The following ITCH variants were observed in gnomAD, a reference collection of about 807,000 sequenced individuals.
ITCH encodes the protein itchy E3 ubiquitin protein ligase.
Under a neutral mutation model 126.8 loss-of-function variants are expected in ITCH, and 28 were observed. The observed-to-expected ratio is 0.22, with a 90% confidence interval of 0.16 to 0.30. The LOEUF is 0.30. Among genes scored for constraint, ITCH ranks in the 10% least tolerant of loss-of-function variants. The probability of loss-of-function intolerance (pLI) is 1.00; values close to 1 mark genes in which losing one functional copy is unlikely to be tolerated. For synonymous variants in ITCH, 342 were observed against 340.0 expected (o/e 1.01, Z -0.06); for missense variants, 631 against 1,032.4 (o/e 0.61, Z 5.33).
intron 23 of ITCH, among the ~76,000 whole-genome samples, chr20:34,501,331 A>T (rs1256562751): frequency 6.6e-6 from 1 of 152,228 alleles, no homozygotes; most frequent in Admixed American, 6.5e-5. Flanking sequence ...AAGGGATTAA[A>T]TTTTTTAGGT....
intron 7 of ITCH, among the ~76,000 whole-genome samples, 186 bp from the exon 8 acceptor site, chr20:34,438,288 T>G (rs567172162): frequency 9.8e-5 from 15 of 152,342 alleles, no homozygotes; most frequent in African/African-American, 1.7e-4. Context: ...AGATGAACTC[T>G]GGGGGTTATA....
In ITCH at chr20:34,480,680, A is replaced by G; in HGVS notation, c.1900A>G (p.Lys634Glu). 6.2e-7 allele frequency: 1 copy of G among 1,612,066 alleles called. No individual in the cohort carries two copies. Among genetic ancestry groups the G allele is most frequent in the Non-Finnish European group, 8.5e-7 (1 of 1,178,198 alleles). ...TATCTTGAACAAACCAGTTGGACTC[A>G]AGGATTTAGAATCTATTGATCCAGA... ...KRILNKPVGLKDLESIDPEFY... is the reference protein window; with the variant it reads ...KRILNKPVGLEDLESIDPEFY... The change falls in exon 19 of 25, where the codon AAG becomes GAG. Residue 634 changes from lysine to glutamate, a missense_variant. Coordinates refer to ENST00000374864, the MANE Select transcript of ITCH (RefSeq NM_031483.7).
intron 14 of ITCH, among the ~76,000 whole-genome samples, chr20:34,465,241 G>T (rs1946662704): frequency 6.6e-6 from 1 of 151,944 alleles, no homozygotes; most frequent in Non-Finnish European, 1.5e-5. Flanking sequence ...TGTTTATTCT[G>T]TTGGTCTGTA....
intron 3 of ITCH, chr20:34,402,033 C>T (rs375641486): frequency 5.0e-4 from 309 of 615,158 alleles, no homozygotes; most frequent in Admixed American, 1.5e-3. Flanking sequence ...AGGTGCAGTG[C>T]GTTTGTCATT....
intron 3 of ITCH, among the ~76,000 whole-genome samples, chr20:34,399,628 G>A (rs539268032): frequency 1.3e-5 from 2 of 151,916 alleles, no homozygotes; most frequent in Non-Finnish European, 2.9e-5. Context: ...ATCATCCGAG[G>A]TCAGGAGTTC....
At chr20:34,372,708 T>C (rs1489600778) in intron 2 of ITCH, among the ~76,000 whole-genome samples, 1 of 152,090 alleles carries the variant, frequency 6.6e-6, no homozygotes, top group Non-Finnish European at 1.5e-5. Flanking sequence ...ACATTGGCAC[T>C]GAGAGACCTG....
chr20:34,364,743 A>AAAAAAAAAAAAC (rs56180734), intron 1 of ITCH, among the ~76,000 whole-genome samples: 1 of 146,346 alleles, frequency 6.8e-6, no homozygotes, highest in Non-Finnish European at 1.5e-5. Context: ...AAAAAAAAAA[A>AAAAAAAAAAAAC]TCCTGGGCGT....
At chr20:34,386,485 T>A (rs1055316833) in intron 2 of ITCH, among the ~76,000 whole-genome samples, 1 of 152,202 alleles carries the variant, frequency 6.6e-6, no homozygotes, top group African/African-American at 2.4e-5. Context: ...TAAGATTGTT[T>A]GAGAGTTTGA....
intron 2 of ITCH, among the ~76,000 whole-genome samples, chr20:34,372,383 A>T (rs1387500277): frequency 2.3e-4 from 16 of 70,210 alleles, no homozygotes; most frequent in South Asian, 4.8e-4. Flanking sequence ...TTTAAGTTCT[A>T]CTTTTTTTTT....
chr20:34,495,294 A>ATAAAAT (rs1555885663), intron 23 of ITCH, among the ~76,000 whole-genome samples: 13 of 120,504 alleles, frequency 1.1e-4, no homozygotes, highest in Admixed American at 1.7e-4. Context: ...AAATAAATAA[A>ATAAAAT]ATATATATAT....
intron 14 of ITCH, among the ~76,000 whole-genome samples, chr20:34,469,249 A>T (rs998776775): frequency 2.3e-4 from 34 of 149,804 alleles, no homozygotes; most frequent in African/African-American, 5.2e-4. Flanking sequence ...ACACACACAC[A>T]CTCACACACT....
chr20:34,431,551 C>A (rs948619463), intron 7 of ITCH, among the ~76,000 whole-genome samples: 3 of 151,876 alleles, frequency 2.0e-5, no homozygotes, highest in Non-Finnish European at 4.4e-5. Context: ...TCTGAGATAA[C>A]CTTAGAAATC....
chr20:34,427,025 C>T (rs992125235), intron 7 of ITCH, among the ~76,000 whole-genome samples: 1 of 151,764 alleles, frequency 6.6e-6, no homozygotes, highest in African/African-American at 2.4e-5. Flanking sequence ...CTGCCTGCCT[C>T]AGCCTTCCAA....
chr20:34,493,361 G>T (rs1989648299), intron 23 of ITCH, among the ~76,000 whole-genome samples: 1 of 152,170 alleles, frequency 6.6e-6, no homozygotes, highest in Non-Finnish European at 1.5e-5. Flanking sequence ...TGGAAGCTGT[G>T]GAACTTTTTG....
At chr20:34,408,220 A>G (rs1978420111) in intron 3 of ITCH, among the ~76,000 whole-genome samples, 1 of 150,578 alleles carries the variant, frequency 6.6e-6, no homozygotes, top group Non-Finnish European at 1.5e-5. Context: ...GGACTGGCAC[A>G]CGCCACTGTG....
At chr20:34,422,045 C>G (rs1260557731) in intron 6 of ITCH, among the ~76,000 whole-genome samples, 1 of 151,916 alleles carries the variant, frequency 6.6e-6, no homozygotes, top group Non-Finnish European at 1.5e-5. Flanking sequence ...GAAAAATGGC[C>G]CTTGTTTAGA....
chr20:34,407,013 G>C (rs1226242543), intron 3 of ITCH, among the ~76,000 whole-genome samples: 4 of 152,092 alleles, frequency 2.6e-5, no homozygotes, highest in African/African-American at 9.7e-5. Flanking sequence ...CTATGAGGGA[G>C]CAATGACTTG....
chr20:34,461,723 A>G (rs941665849), intron 13 of ITCH, among the ~76,000 whole-genome samples: 1 of 151,750 alleles, frequency 6.6e-6, no homozygotes, highest in Non-Finnish European at 1.5e-5. Flanking sequence ...AAAAAAAAAA[A>G]AAAAAAAAAA....
In ITCH at chr20:34,494,828, A is replaced by C. The variant is rs529588321; in HGVS notation, c.2416+2231A>C. Among the ~76,000 whole-genome samples, 35 of 152,112 alleles carry C rather than the reference A, an allele frequency of 2.3e-4. No individual in the cohort carries two copies. In the South Asian group the frequency reaches 3.9e-3, roughly 17 times the overall value. On this transcript the variant is annotated intron_variant, in intron 23 of 24. Coordinates refer to ENST00000374864, the MANE Select transcript of ITCH (RefSeq NM_031483.7). ...TTAGAAGTTAGCTGAGCGTGGTGGT[A>C]CATGCCTGTAGTCCCTGCTATTCAG...
Sources: allele counts gnomAD v4.1 joint callset (sites outside exome capture counted in the v4.1 genomes callset), GRCh38; gene constraint gnomAD v4.1.1; transcripts MANE v1.5; gene names NCBI Gene and HGNC (gene_info 2026-07-23, HGNC 2026-07-21).